The following DNAH12 variants were observed in gnomAD, a reference collection of about 807,000 sequenced individuals.
DNAH12 encodes the protein axonemal beta dynein heavy chain 12.
DNAH12 carries 285 observed loss-of-function variants against 371.5 expected under a neutral mutation model. The observed-to-expected ratio is 0.77, with a 90% CI of 0.70 to 0.85. DNAH12 has a LOEUF of 0.85. DNAH12 is among the 40% of genes least tolerant of loss of function. The pLI, the probability that DNAH12 is intolerant of heterozygous loss-of-function variation, is 0.00. For synonymous variants in DNAH12, 1,200 were observed against 1,213.0 expected, an observed-to-expected ratio of 0.99 and a Z score of 0.22; for missense variants, 3,611 against 3,689.4, an observed-to-expected ratio of 0.98 and a Z score of 0.55.
intron 60 of DNAH12, among the ~76,000 whole-genome samples, chr3:57,338,509 G>A (rs181802620): frequency 0.029 from 4,341 of 149,264 alleles, 72 homozygotes; most frequent in Middle Eastern, 0.055. Context: ...GCCTCTGCCC[G>A]GCCGCCCTGT....
chr3:57,475,120 A>G (rs1373345641), intron 13 of DNAH12, among the ~76,000 whole-genome samples: 1 of 152,216 alleles, frequency 6.6e-6, no homozygotes, highest in Non-Finnish European at 1.5e-5. Context: ...CATTATTTAC[A>G]GAAATACATT....
chr3:57,428,903 T>G, intron 33 of DNAH12, 82 bp from the exon 34 acceptor site: 1 of 1,331,042 alleles, frequency 7.5e-7, no homozygotes, highest in Admixed American at 2.8e-5. Context: ...TTAAGATGAC[T>G]TATGAGATCC....
chr3:57,332,991 A>T (rs2062136243), intron 62 of DNAH12, among the ~76,000 whole-genome samples: 1 of 152,258 alleles, frequency 6.6e-6, no homozygotes, highest in African/African-American at 2.4e-5. Flanking sequence ...AACTTCAGTA[A>T]TTTAACTACA....
chr3:57,467,245 A>G (rs879768717), intron 17 of DNAH12, among the ~76,000 whole-genome samples: 2 of 152,038 alleles, frequency 1.3e-5, no homozygotes, highest in Admixed American at 6.6e-5. Flanking sequence ...CAGCCTCCCA[A>G]GTAGCTGGGA....
intron 39 of DNAH12, among the ~76,000 whole-genome samples, chr3:57,408,937 G>C (rs1420597395): frequency 6.6e-6 from 1 of 152,086 alleles, no homozygotes; most frequent in African/African-American, 2.4e-5. Flanking sequence ...TGTGCTTGTT[G>C]TACCGAAGTA....
intron 17 of DNAH12, among the ~76,000 whole-genome samples, chr3:57,463,377 G>A (rs1355189595): frequency 5.3e-5 from 8 of 151,948 alleles, no homozygotes; most frequent in African/African-American, 1.9e-4. Context: ...TACATAGCAT[G>A]AATGGGGAAA....
At chr3:57,324,478 G>C (rs1205268668) in intron 62 of DNAH12, among the ~76,000 whole-genome samples, 1 of 152,030 alleles carries the variant, frequency 6.6e-6, no homozygotes, top group East Asian at 1.9e-4. Flanking sequence ...TTTTGGATGA[G>C]ATTAATATTT....
chr3:57,314,495 T>C lies in DNAH12; in HGVS notation c.10661A>G (p.Gln3554Arg), dbSNP rs1559545819. Residue 3554 changes from glutamine (Q) to arginine (R), a missense_variant and splice_region_variant, in exon 66 of 74, where the codon CAG (glutamine) becomes CGG (arginine). By Grantham distance (43) the Gln-to-Arg change is conservative. Coordinates refer to ENST00000495027, the MANE Select transcript of DNAH12 (RefSeq NM_001366028.2). ...SDLRISIRQL[Q>R]LFINEYDTIP... Reference sequence around the variant, plus strand: ...ATGTTAATTTCTTGTTAATTTTACCTGCAGTTGTCGGATACTGATGCGCAA... The same window carrying C: ...ATGTTAATTTCTTGTTAATTTTACCCGCAGTTGTCGGATACTGATGCGCAA... The C allele has an allele frequency of 6.4e-7, 1 of 1,551,000 alleles. No individual in the cohort carries two copies. Among genetic ancestry groups the C allele is most frequent in the East Asian group, 2.4e-5 (1 of 40,894 alleles).
intron 18 of DNAH12, 36 bp downstream of exon 18, chr3:57,462,654 A>G (rs1334053136): frequency 4.6e-6 from 7 of 1,530,400 alleles, no homozygotes; most frequent in Non-Finnish European, 5.3e-6. Flanking sequence ...TAACGAAGTC[A>G]TCACATAAAG....
intron 60 of DNAH12, among the ~76,000 whole-genome samples, chr3:57,350,488 T>G (rs893205893): frequency 1.3e-5 from 2 of 152,166 alleles, no homozygotes. Flanking sequence ...GGTAAAAATG[T>G]AAAATTTGAC....
intron 39 of DNAH12, among the ~76,000 whole-genome samples, chr3:57,412,490 G>A (rs1190299395): frequency 6.6e-6 from 1 of 152,118 alleles, no homozygotes; most frequent in Non-Finnish European, 1.5e-5. Flanking sequence ...ACAATGTCAA[G>A]AGAATGAGAA....
intron 4 of DNAH12, among the ~76,000 whole-genome samples, chr3:57,521,001 T>G (rs1336197361): frequency 2.3e-5 from 3 of 129,126 alleles, no homozygotes; most frequent in Admixed American, 2.0e-4. Context: ...GAGGTGGAGG[T>G]TGCAGTGAGC....
intron 12 of DNAH12, among the ~76,000 whole-genome samples, chr3:57,486,338 G>A (rs1056621857): frequency 6.6e-6 from 1 of 152,070 alleles, no homozygotes; most frequent in African/African-American, 2.4e-5. Flanking sequence ...GGGAGGCTGA[G>A]GTAGGAGGAT....
chr3:57,421,142 T>C (rs1190737229), intron 36 of DNAH12, among the ~76,000 whole-genome samples: 2 of 152,070 alleles, frequency 1.3e-5, no homozygotes, highest in Admixed American at 1.3e-4. Context: ...TTAATCTTTT[T>C]AGGTTTACTT....
chr3:57,357,683 G>A (rs2062831445), intron 58 of DNAH12, among the ~76,000 whole-genome samples: 1 of 152,092 alleles, frequency 6.6e-6, no homozygotes, highest in South Asian at 2.1e-4. Context: ...AGAAAGCTTT[G>A]CTTATTCTTT....
At chr3:57,360,727 C>T (rs1213853898) in intron 58 of DNAH12, among the ~76,000 whole-genome samples, 1 of 152,060 alleles carries the variant, frequency 6.6e-6, no homozygotes, top group African/African-American at 2.4e-5. Flanking sequence ...TGTCCCAGAG[C>T]AAGGGTGCAT....
chr3:57,438,136 C>G (rs1185085786), intron 29 of DNAH12, among the ~76,000 whole-genome samples: 1 of 146,910 alleles, frequency 6.8e-6, no homozygotes, highest in Non-Finnish European at 1.5e-5. Flanking sequence ...TGGCAAAATC[C>G]TATCTCTACT....
At chr3:57,469,017 T>C in intron 16 of DNAH12, 38 bp from the exon 17 acceptor site, 1 of 1,498,840 alleles carries the variant, frequency 6.7e-7, no homozygotes, top group Non-Finnish European at 8.9e-7. Flanking sequence ...ACTCAGACTT[T>C]TGAAGTTTGA....
chr3:57,318,219 T>C (rs758052089), intron 65 of DNAH12, among the ~76,000 whole-genome samples: 2 of 152,162 alleles, frequency 1.3e-5, no homozygotes, highest in African/African-American at 2.4e-5. Flanking sequence ...GTCATATCTA[T>C]GAAATTATTG....
Sources: gnomAD v4.1 joint callset for allele counts (sites outside exome capture counted in the v4.1 genomes callset) on GRCh38, gnomAD v4.1.1 for gene constraint, MANE v1.5 for transcripts, NCBI Gene and HGNC (gene_info 2026-07-23, HGNC 2026-07-21) for gene names.